Variants in ADARB1 observed in about 807,000 individuals in gnomAD.
The protein encoded by ADARB1 is adenosine deaminase RNA specific B1.
A neutral mutation model predicts 52.4 loss-of-function variants in ADARB1; 10 were observed. The ratio of observed to expected loss-of-function variants is 0.19; its 90% confidence interval spans 0.12 to 0.32. The LOEUF (loss-of-function observed/expected upper bound fraction) is 0.32, where lower values mean the gene tolerates loss of function less well. Among genes scored for constraint, ADARB1 ranks in the 10% least tolerant of loss-of-function variants. ADARB1 has a pLI of 1.00. For synonymous variants in ADARB1, 349 were observed against 371.1 expected (o/e 0.94, Z 0.68); for missense variants, 643 against 922.3 (o/e 0.70, Z 3.92).
intron 1 of ADARB1, among the ~76,000 whole-genome samples, chr21:45,094,864 A>C (rs1228520910): frequency 6.6e-6 from 1 of 151,938 alleles, no homozygotes; most frequent in Non-Finnish European, 1.5e-5. Flanking sequence ...CCAATTGAGG[A>C]CCTCCATCAG....
At chr21:45,148,192 A>T (rs1194578516) in intron 2 of ADARB1, among the ~76,000 whole-genome samples, 1 of 151,232 alleles carries the variant, frequency 6.6e-6, no homozygotes, top group Non-Finnish European at 1.5e-5. Flanking sequence ...CTTGGTTTTC[A>T]CTCCTTTATG....
intron 2 of ADARB1, chr21:45,146,394 T>C (rs2090009301): frequency 6.6e-6 from 1 of 152,274 alleles, no homozygotes; most frequent in Non-Finnish European, 1.5e-5. Context: ...TCATGAGTTA[T>C]GCATCAGTTG....
chr21:45,178,249 C>G (rs780706412), intron 4 of ADARB1, among the ~76,000 whole-genome samples: 7 of 152,242 alleles, frequency 4.6e-5, no homozygotes, highest in Non-Finnish European at 7.3e-5. Context: ...GCAGTGACTT[C>G]TGTGTGGAGC....
chr21:45,127,261 G>A (rs1161045935), intron 1 of ADARB1, among the ~76,000 whole-genome samples: 2 of 152,198 alleles, frequency 1.3e-5, no homozygotes, highest in Non-Finnish European at 2.9e-5. Flanking sequence ...TGGGACCGCT[G>A]GGGAGGGTGA....
chr21:45,179,198 G>T (rs2091828564), intron 4 of ADARB1, among the ~76,000 whole-genome samples: 1 of 152,164 alleles, frequency 6.6e-6, no homozygotes, highest in African/African-American at 2.4e-5. Context: ...CATTGCAGAT[G>T]CCGCTGCCTG....
intron 1 of ADARB1, among the ~76,000 whole-genome samples, chr21:45,091,734 C>G (rs1009146491): frequency 1.3e-5 from 2 of 152,134 alleles, no homozygotes; most frequent in Non-Finnish European, 2.9e-5. Context: ...GAGTAGAGCT[C>G]CTTGTTCTCC....
Position 45,223,842 on chromosome 21 carries a change from G to T in ADARB1, c.*1645G>T. 1.0e-6 allele frequency: 1 copy of T among 985,386 alleles called. No homozygotes were observed. The highest frequency in any genetic ancestry group is 1.2e-6 in the Non-Finnish European group (1 of 829,942). 61.0% of individuals were successfully genotyped at this position (985,386 alleles called of 1,614,324 possible). ...TCCACACAGATCTCGTCGCAGCACG[G>T]CAGGAAGGGGTGCTGCTTAGGGCTC... is the stretch of plus-strand genomic sequence containing the variant. On this transcript the variant is annotated 3_prime_UTR_variant, in exon 11 of 11. Coordinates refer to ENST00000348831, the MANE Select transcript of ADARB1 (RefSeq NM_001112.4).
chr21:45,085,517 G>A (rs976338878), intron 1 of ADARB1, among the ~76,000 whole-genome samples: 2 of 152,272 alleles, frequency 1.3e-5, no homozygotes, highest in Non-Finnish European at 2.9e-5. Flanking sequence ...CTCCATTCTC[G>A]ATATGAATGA....
chr21:45,112,122 ACT>A (rs1489215502), intron 1 of ADARB1, among the ~76,000 whole-genome samples: 2 of 151,930 alleles, frequency 1.3e-5, no homozygotes, highest in African/African-American at 4.8e-5. Context: ...GGAATTCTGG[ACT>A]CTCTGAGATG....
rs766273696 is a variant in ADARB1 at position 45,175,914 on chromosome 21, G to A, written c.213G>A (p.Arg71=). ...CCAAGTACCGCCTGAAGAAAAGGAG[G>A]AAAACACCAGGGCCCGTCCTCCCCA... ...GHSKYRLKKR[R]KTPGPVLPKN... The change falls in exon 4 of 11, where the codon AGG becomes AGA. Residue 71 remains arginine, a synonymous_variant. Coordinates refer to ENST00000348831, the MANE Select transcript of ADARB1 (RefSeq NM_001112.4). 2 of 1,609,840 alleles carry A rather than the reference G, an allele frequency of 1.2e-6. No individual in the cohort carries two copies. The highest frequency in any genetic ancestry group is 1.7e-6 in the Non-Finnish European group (2 of 1,178,102).
At chr21:45,197,110 G>A (rs868592127) in intron 8 of ADARB1, among the ~76,000 whole-genome samples, 2 of 152,130 alleles carry the variant, frequency 1.3e-5, no homozygotes, top group South Asian at 2.1e-4. Flanking sequence ...CCCAGGAGGC[G>A]GAGGTTGCAG....
In ADARB1 at chr21:45,224,820, C is replaced by T. The variant is rs11701929; in HGVS notation, c.*2623C>T. On this transcript the variant is annotated 3_prime_UTR_variant, in exon 11 of 11. Coordinates refer to ENST00000348831, the MANE Select transcript of ADARB1 (RefSeq NM_001112.4). ...CATCTGTAATCAGAAAAAAAATAAA[C>T]AAAATACAGAACGCTGACTCCTCCG... 564,842 of 983,424 alleles carry T rather than the reference C, an allele frequency of 0.57. 162,047 individuals are homozygous for T. Among genetic ancestry groups the T allele is most frequent in the East Asian group, 0.68 (5,951 of 8,760 alleles). 60.9% of individuals were successfully genotyped at this position (983,424 alleles called of 1,614,324 possible). A position where few individuals can be genotyped will look rare whatever the true frequency, so the allele number is the denominator to read the frequency against.
chr21:45,171,155 G>T lies in ADARB1; in HGVS notation c.-47-455G>T, dbSNP rs143835414. 3.9e-5 allele frequency among the ~76,000 whole-genome samples: 6 copies of T among 152,312 alleles called. No individual in the cohort carries two copies. In the East Asian group the frequency reaches 9.6e-4, roughly 24 times the overall value. On this transcript the variant is annotated intron_variant, in intron 2 of 10. Coordinates refer to ENST00000348831, the MANE Select transcript of ADARB1 (RefSeq NM_001112.4). ...GAGGTCTGTCGCCATCTGTCATGGC[G>T]TGTTGTGTCCTTAGTCCATCCTGCA...
intron 1 of ADARB1, among the ~76,000 whole-genome samples, chr21:45,088,177 A>G (rs2086421149): frequency 6.6e-6 from 1 of 152,216 alleles, no homozygotes; most frequent in Non-Finnish European, 1.5e-5. Flanking sequence ...ACACCTACAT[A>G]TGCATCTCCT....
At chr21:45,193,379 A>G (rs756458155) in intron 8 of ADARB1, among the ~76,000 whole-genome samples, 12 of 152,250 alleles carry the variant, frequency 7.9e-5, no homozygotes, top group Non-Finnish European at 1.5e-4. Flanking sequence ...TAGAAATAGA[A>G]GGAAACCTTC....
intron 1 of ADARB1, among the ~76,000 whole-genome samples, chr21:45,089,110 G>A (rs1239554505): frequency 6.6e-6 from 1 of 152,196 alleles, no homozygotes; most frequent in African/African-American, 2.4e-5. Context: ...GATGAGGTCT[G>A]TGGTGTAGCC....
chr21:45,136,962 A>G (rs2089422210), intron 2 of ADARB1: 1 of 152,268 alleles, frequency 6.6e-6, no homozygotes, highest in South Asian at 2.1e-4. Flanking sequence ...GGTTCTGAAG[A>G]AGTACACAAT....
Position 45,223,187 on chromosome 21 carries a change from G to A in ADARB1, c.*990G>A. 1 of 985,466 alleles carries A rather than the reference G, an allele frequency of 1.0e-6. No individual in the cohort carries two copies. The highest frequency in any genetic ancestry group is 1.2e-6 in the Non-Finnish European group (1 of 829,944). 61.0% of individuals were successfully genotyped at this position (985,466 alleles called of 1,614,324 possible). A position where few individuals can be genotyped will look rare whatever the true frequency, so the allele number is the denominator to read the frequency against. ...GGCCTTCACAGGATGGAAGTAGAATGATTTCAGTAGATACTCATTCTTGGA... is the reference window on the plus strand; with the variant it reads ...GGCCTTCACAGGATGGAAGTAGAATAATTTCAGTAGATACTCATTCTTGGA... On this transcript the variant is annotated 3_prime_UTR_variant, in exon 11 of 11. Coordinates refer to ENST00000348831, the MANE Select transcript of ADARB1 (RefSeq NM_001112.4).
intron 1 of ADARB1, among the ~76,000 whole-genome samples, chr21:45,094,718 C>G (rs530138436): frequency 6.6e-6 from 1 of 152,096 alleles, no homozygotes; most frequent in South Asian, 2.1e-4. Context: ...TCCAACCTCT[C>G]GCATCATGTT....
Sources: allele counts gnomAD v4.1 joint callset (sites outside exome capture counted in the v4.1 genomes callset), GRCh38; gene constraint gnomAD v4.1.1; transcripts MANE v1.5; gene names NCBI Gene and HGNC (gene_info 2026-07-23, HGNC 2026-07-21).